Variants in SMYD3 observed in about 807,000 individuals in gnomAD.
The protein encoded by SMYD3 is histone-lysine N-methyltransferase SMYD3.
A neutral mutation model predicts 57.7 loss-of-function variants in SMYD3; 36 were observed. The observed-to-expected ratio is 0.62, with a 90% confidence interval of 0.48 to 0.82. The LOEUF (loss-of-function observed/expected upper bound fraction) is 0.82, where lower values mean the gene tolerates loss of function less well. Among genes scored for constraint, SMYD3 ranks in the 40% least tolerant of loss-of-function variants. The pLI is 0.00. For missense variants in SMYD3, 515 were observed against 538.8 expected (o/e 0.96, Z 0.44); for synonymous variants, 211 against 195.0 (o/e 1.08, Z -0.68).
chr1:246,150,323 C>T (rs1480106824), intron 5 of SMYD3, among the ~76,000 whole-genome samples: 1 of 152,208 alleles, frequency 6.6e-6, no homozygotes, highest in East Asian at 1.9e-4. Context: ...CATTCTGCCA[C>T]ATTCTTGACA....
intron 5 of SMYD3, among the ~76,000 whole-genome samples, chr1:246,043,073 T>C (rs1315247421): frequency 1.1e-5 from 1 of 88,066 alleles, no homozygotes; most frequent in African/African-American, 4.4e-5. Flanking sequence ...TCCCCACCTC[T>C]ATCTACACAT....
intron 5 of SMYD3, among the ~76,000 whole-genome samples, chr1:246,261,515 G>T (rs755029868): frequency 2.0e-5 from 3 of 151,784 alleles, no homozygotes; most frequent in Non-Finnish European, 1.5e-5. Context: ...ATATAGGAAG[G>T]TCATCAACAA....
At chr1:246,405,909 CAAA>C (rs372884120) in intron 1 of SMYD3, among the ~76,000 whole-genome samples, 5 of 87,426 alleles carry the variant, frequency 5.7e-5, no homozygotes, top group Non-Finnish European at 6.6e-5. Context: ...GACTCTGTCT[CAAA>C]AAAAAAAAAA....
intron 5 of SMYD3, among the ~76,000 whole-genome samples, chr1:245,963,147 CA>C (rs1301396853): frequency 6.6e-6 from 1 of 152,150 alleles, no homozygotes; most frequent in Non-Finnish European, 1.5e-5. Context: ...ACTAAAAAAT[CA>C]ACCATTCTTC....
At chr1:246,462,660 A>G (rs1350819102) in intron 1 of SMYD3, among the ~76,000 whole-genome samples, 3 of 152,192 alleles carry the variant, frequency 2.0e-5, no homozygotes, top group Non-Finnish European at 2.9e-5. Context: ...GAAGGGTCAG[A>G]ACTGGAGGGC....
At chr1:246,012,852 C>T (rs2059308351) in intron 5 of SMYD3, among the ~76,000 whole-genome samples, 1 of 152,174 alleles carries the variant, frequency 6.6e-6, no homozygotes, top group South Asian at 2.1e-4. Flanking sequence ...CTGGGGCACA[C>T]TTTGGGCAAA....
chr1:245,804,399 G>A (rs1272537559), intron 10 of SMYD3, among the ~76,000 whole-genome samples: 1 of 151,986 alleles, frequency 6.6e-6, no homozygotes, highest in Non-Finnish European at 1.5e-5. Context: ...TGGCTAATGT[G>A]GTGAAACCCC....
intron 8 of SMYD3, among the ~76,000 whole-genome samples, chr1:245,885,469 A>G (rs1178216439): frequency 1.3e-5 from 2 of 152,194 alleles, no homozygotes; most frequent in South Asian, 2.1e-4. Context: ...CTTTGTTAGA[A>G]AAGATGTGAT....
intron 5 of SMYD3, among the ~76,000 whole-genome samples, chr1:245,993,757 A>G (rs182169248): frequency 6.6e-6 from 1 of 152,272 alleles, no homozygotes; most frequent in Non-Finnish European, 1.5e-5. Context: ...GGGAATGGGG[A>G]GTTAAAATTT....
chr1:245,929,776 G>A (rs992629338), intron 6 of SMYD3, 94 bp downstream of exon 6: 7 of 961,656 alleles, frequency 7.3e-6, no homozygotes, highest in Non-Finnish European at 1.2e-5. Context: ...TGAACAAGCT[G>A]CAGCAACTGC....
rs185118990 is a variant in SMYD3 at position 246,479,088 on chromosome 1, A to G, written c.164+27966T>C. Among the ~76,000 whole-genome samples, 484 of 147,338 alleles carry G rather than the reference A, an allele frequency of 3.3e-3. 1 individual carries two copies. The highest frequency in any genetic ancestry group is 5.9e-3 in the Non-Finnish European group (390 of 66,616). Reference sequence around the variant, plus strand: ...CTGTCCTCTGTCCTGGAGCTGGTACATAAGTGCTCATATATGTACACCTGT... The same window carrying G: ...CTGTCCTCTGTCCTGGAGCTGGTACGTAAGTGCTCATATATGTACACCTGT... On this transcript the variant is annotated intron_variant, in intron 1 of 11. Transcript: ENST00000490107.
At chr1:246,273,448 C>T (rs2064266984) in intron 5 of SMYD3, among the ~76,000 whole-genome samples, 1 of 152,012 alleles carries the variant, frequency 6.6e-6, no homozygotes. Flanking sequence ...CCACGCCCGG[C>T]CCAGTAATGT....
chr1:245,957,801 G>A (rs2057890933), intron 5 of SMYD3, among the ~76,000 whole-genome samples: 1 of 152,096 alleles, frequency 6.6e-6, no homozygotes, highest in South Asian at 2.1e-4. Flanking sequence ...CAGGATATGT[G>A]GAAAAGTCAT....
At chr1:246,315,436 G>A (rs1265053505) in intron 5 of SMYD3, among the ~76,000 whole-genome samples, 3 of 152,128 alleles carry the variant, frequency 2.0e-5, no homozygotes, top group South Asian at 2.1e-4. Context: ...TAGAGAGGGC[G>A]AGGGAAGATA....
At chr1:246,255,110 G>A (rs897844142) in intron 5 of SMYD3, among the ~76,000 whole-genome samples, 1 of 152,002 alleles carries the variant, frequency 6.6e-6, no homozygotes. Context: ...CTAATTGGAT[G>A]CCTTTTCTTT....
chr1:245,779,080 A>G (rs529155126), intron 10 of SMYD3, among the ~76,000 whole-genome samples: 3 of 152,062 alleles, frequency 2.0e-5, no homozygotes, highest in African/African-American at 7.2e-5. Context: ...GAATCACTTG[A>G]ACCCAGAAGG....
At chr1:246,117,374 T>G (rs2061356720) in intron 5 of SMYD3, among the ~76,000 whole-genome samples, 1 of 152,174 alleles carries the variant, frequency 6.6e-6, no homozygotes, top group African/African-American at 2.4e-5. Context: ...TGCTGCCCCC[T>G]TCTGCTTCAA....
chr1:246,069,987 G>C (rs1358665087), intron 5 of SMYD3, among the ~76,000 whole-genome samples: 4 of 152,128 alleles, frequency 2.6e-5, no homozygotes, highest in Non-Finnish European at 4.4e-5. Context: ...AATGAGGCAG[G>C]CTTGTGGAGG....
chr1:246,084,942 GA>G (rs1407705698), intron 5 of SMYD3, among the ~76,000 whole-genome samples: 1 of 152,110 alleles, frequency 6.6e-6, no homozygotes, highest in Non-Finnish European at 1.5e-5. Flanking sequence ...TACCCCTAAA[GA>G]TGCGCATTAA....
Sources: allele counts gnomAD v4.1 joint callset (sites outside exome capture counted in the v4.1 genomes callset), GRCh38; gene constraint gnomAD v4.1.1; transcripts MANE v1.5; gene names NCBI Gene and HGNC (gene_info 2026-07-23, HGNC 2026-07-21).